The following HNF4G variants were observed in gnomAD, a reference collection of about 807,000 sequenced individuals.
The protein encoded by HNF4G is hepatocyte nuclear factor 4-gamma.
In HNF4G, 21 loss-of-function variants were observed where a neutral mutation model predicts 50.9. That is an observed-to-expected ratio of 0.41 (90% CI 0.29 to 0.59). The LOEUF (loss-of-function observed/expected upper bound fraction) is 0.59. HNF4G is among the 20% of genes least tolerant of loss of function. The pLI, the probability that HNF4G is intolerant of heterozygous loss-of-function variation, is 0.26. For missense variants in HNF4G, 527 were observed against 559.4 expected, an observed-to-expected ratio of 0.94 and a Z score of 0.58; for synonymous variants, 198 against 185.6, an observed-to-expected ratio of 1.07 and a Z score of -0.54.
intron 1 of HNF4G, among the ~76,000 whole-genome samples, chr8:75,471,360 A>G (rs1030092417): frequency 6.6e-6 from 1 of 152,170 alleles, no homozygotes; most frequent in African/African-American, 2.4e-5. Flanking sequence ...CAGTATATCT[A>G]AGCAATTAAT....
At chr8:75,450,486 A>G (rs1430519547) in intron 1 of HNF4G, among the ~76,000 whole-genome samples, 1 of 152,144 alleles carries the variant, frequency 6.6e-6, no homozygotes, top group Non-Finnish European at 1.5e-5. Flanking sequence ...TGGTAGTTCT[A>G]TTTTTAATTT....
At chr8:75,506,420 C>G (rs1161651863) in intron 2 of HNF4G, among the ~76,000 whole-genome samples, 1 of 151,684 alleles carries the variant, frequency 6.6e-6, no homozygotes, top group Non-Finnish European at 1.5e-5. Flanking sequence ...TGAACTCTTC[C>G]CTCATTTTAT....
intron 2 of HNF4G, among the ~76,000 whole-genome samples, chr8:75,529,787 G>A (rs1049958998): frequency 3.9e-5 from 6 of 151,976 alleles, no homozygotes; most frequent in Admixed American, 6.6e-5. Context: ...GACTCCTGTT[G>A]TATTTTTTAA....
chr8:75,500,569 A>G (rs1318646781), intron 2 of HNF4G, among the ~76,000 whole-genome samples: 1 of 152,196 alleles, frequency 6.6e-6, no homozygotes, highest in African/African-American at 2.4e-5. Flanking sequence ...ATATGTAACA[A>G]TGTCTATAGC....
chr8:75,495,277 A>G lies in HNF4G; in HGVS notation c.-24+5069A>G, dbSNP rs191314492. On this transcript the variant is annotated intron_variant, in intron 2 of 10. Coordinates refer to the HNF4G transcript ENST00000354370. ...TTTAATACAGGTGTAATATCTCTGA[A>G]GTTTCCATGTTTAATATCCCCATGT... 441 of 152,292 alleles carry G rather than the reference A, an allele frequency of 2.9e-3. 4 individuals are homozygous for G. Among genetic ancestry groups the G allele is most frequent in the African/African-American group, 9.6e-3 (399 of 41,556 alleles). The allele number at this position is 152,292 out of a possible 1,614,324, so 9.4% of individuals were successfully genotyped here. A position where few individuals can be genotyped will look rare whatever the true frequency, so the allele number is the denominator to read the frequency against.
Position 75,540,015 on chromosome 8 carries a change from A to G in HNF4G, c.53A>G (p.Glu18Gly), listed in dbSNP as rs745835640. ...ILDMDMANYSEVLDPTYTTLE... is the reference protein window; with the variant it reads ...ILDMDMANYSGVLDPTYTTLE... Reference sequence around the variant, plus strand: ...GACATGGACATGGCAAATTACAGTGAAGTTTTGGACCCAACTTACACAACT... The same window carrying G: ...GACATGGACATGGCAAATTACAGTGGAGTTTTGGACCCAACTTACACAACT... Residue 18 changes from glutamate to glycine, a missense_variant, in exon 1 of 10, where the codon GAA (glutamate) becomes GGA (glycine). Transcript: ENST00000396423. 1 of 1,608,694 alleles carries G rather than the reference A, an allele frequency of 6.2e-7. No individual in the cohort carries two copies. The highest frequency in any genetic ancestry group is 1.1e-5 in the South Asian group (1 of 90,986).
In HNF4G at chr8:75,553,029, T is replaced by C. The variant is rs763156699; in HGVS notation, c.490-13T>C. On this transcript the variant is annotated splice_polypyrimidine_tract_variant and intron_variant, in intron 4 of 9. Transcript: ENST00000396423. ...TATTTTAAATGATAATATAATGCTTTTCTTAATACTAGATCTCAGTCTCAA... is the reference window on the plus strand; with the variant it reads ...TATTTTAAATGATAATATAATGCTTCTCTTAATACTAGATCTCAGTCTCAA... 6.3e-7 allele frequency: 1 copy of C among 1,587,064 alleles called. No individual in the cohort carries two copies. The highest frequency in any genetic ancestry group is 1.1e-5 in the South Asian group (1 of 87,804).
intron 1 of HNF4G, among the ~76,000 whole-genome samples, chr8:75,432,586 C>A (rs1811040909): frequency 6.6e-6 from 1 of 152,186 alleles, no homozygotes; most frequent in African/African-American, 2.4e-5. Flanking sequence ...CAGGCATAAG[C>A]CACCATGCCC....
At chr8:75,480,426 TA>T (rs1812349520) in intron 1 of HNF4G, among the ~76,000 whole-genome samples, 1 of 152,216 alleles carries the variant, frequency 6.6e-6, no homozygotes, top group African/African-American at 2.4e-5. Flanking sequence ...GTTTGAACTT[TA>T]AAAATAATTT....
chr8:75,482,676 G>T (rs1167525144), intron 1 of HNF4G, among the ~76,000 whole-genome samples: 3 of 151,986 alleles, frequency 2.0e-5, no homozygotes, highest in Non-Finnish European at 4.4e-5. Context: ...GCTGGTTTTT[G>T]TTTTGTTTTG....
chr8:75,436,579 A>G (rs1811147021), intron 1 of HNF4G, among the ~76,000 whole-genome samples: 1 of 152,224 alleles, frequency 6.6e-6, no homozygotes, highest in South Asian at 2.1e-4. Context: ...GTTAATATAG[A>G]AAAGATGAAA....
chr8:75,454,190 G>A (rs191149614), intron 1 of HNF4G, among the ~76,000 whole-genome samples: 56 of 151,008 alleles, frequency 3.7e-4, no homozygotes, highest in African/African-American at 1.3e-3. Flanking sequence ...CTATCAGCAA[G>A]CCAGGAAGAA....
At chr8:75,422,543 G>GT (rs1047710586) in intron 1 of HNF4G, among the ~76,000 whole-genome samples, 6 of 152,010 alleles carry the variant, frequency 3.9e-5, no homozygotes, top group Non-Finnish European at 8.8e-5. Flanking sequence ...TAGATTTTAA[G>GT]TTTTTTTAAA....
At chr8:75,550,330 T>C (rs556747579) in intron 3 of HNF4G, among the ~76,000 whole-genome samples, 1 of 152,190 alleles carries the variant, frequency 6.6e-6, no homozygotes, top group Admixed American at 6.6e-5. Context: ...AATTTTATTT[T>C]GAGATGGAGT....
At chr8:75,552,942 C>T (rs952022825) in intron 4 of HNF4G, 100 bp from the exon 5 acceptor site, 4 of 687,512 alleles carry the variant, frequency 5.8e-6, no homozygotes, top group African/African-American at 3.7e-5. Flanking sequence ...ACAATAGTGC[C>T]TACTTCTATG....
intron 1 of HNF4G, among the ~76,000 whole-genome samples, chr8:75,474,001 GAGA>G (rs1204716412): frequency 6.6e-6 from 1 of 151,348 alleles, no homozygotes; most frequent in Non-Finnish European, 1.5e-5. Context: ...TAGGAGTTAG[GAGA>G]AGGTTAGGAT....
chr8:75,459,260 C>T (rs1373217433), intron 1 of HNF4G, among the ~76,000 whole-genome samples: 1 of 152,128 alleles, frequency 6.6e-6, no homozygotes, highest in Non-Finnish European at 1.5e-5. Flanking sequence ...CAGTATATGA[C>T]TGCATTCTTA....
At chr8:75,505,678 C>T (rs1294924833) in intron 2 of HNF4G, among the ~76,000 whole-genome samples, 1 of 117,192 alleles carries the variant, frequency 8.5e-6, no homozygotes, top group African/African-American at 4.5e-5. Flanking sequence ...CTCCGTAATG[C>T]AAGATTTCCA....
chr8:75,455,418 A>C (rs1311037692), intron 1 of HNF4G, among the ~76,000 whole-genome samples: 3 of 152,184 alleles, frequency 2.0e-5, no homozygotes, highest in Non-Finnish European at 4.4e-5. Flanking sequence ...AAGTGTTGGT[A>C]TCTTTAGTTA....
Sources: allele counts gnomAD v4.1 joint callset (sites outside exome capture counted in the v4.1 genomes callset), GRCh38; gene constraint gnomAD v4.1.1; transcripts MANE v1.5; gene names NCBI Gene and HGNC (gene_info 2026-07-23, HGNC 2026-07-21).